The following UBR7 variants were observed in gnomAD, a reference collection of about 807,000 sequenced individuals.
UBR7 encodes the protein putative E3 ubiquitin-protein ligase UBR7.
A neutral mutation model predicts 57.0 loss-of-function variants in UBR7; 22 were observed. The ratio of observed to expected loss-of-function variants is 0.39; its 90% CI spans 0.28 to 0.55. The LOEUF is 0.55. Ranked by LOEUF, UBR7 falls within the 20% of genes least tolerant of loss-of-function variation. The pLI is 0.69. For missense variants in UBR7, 395 were observed against 513.2 expected (o/e 0.77, Z 2.23); for synonymous variants, 167 against 179.8 (o/e 0.93, Z 0.57).
intron 1 of UBR7, among the ~76,000 whole-genome samples, 172 bp from the exon 2 acceptor site, chr14:93,209,640 AAACTTGCAACGC>A (rs1216666176): frequency 6.6e-6 from 1 of 152,242 alleles, no homozygotes; most frequent in African/African-American, 2.4e-5. Context: ...TATAAAAATG[AAACTTGCAACGC>A]AACTGTGTTT....
At position 93,209,810 on chromosome 14, in the gene UBR7, T is replaced by C. The variant is rs1246983990; in HGVS notation, c.151-14T>C. On this transcript the variant is annotated splice_polypyrimidine_tract_variant and intron_variant, in intron 1 of 10. Transcript: ENST00000013070. ...TACTACATTAATTCTCTTTTCCATT[T>C]TGGGGGCTTTCAGGGCTCAGTAAAG... 1.2e-6 allele frequency: 2 copies of C among 1,613,304 alleles called. No individual in the cohort carries two copies. The highest frequency in any genetic ancestry group is 1.3e-5 in the African/African-American group (1 of 75,026).
chr14:93,221,238 G>A (rs1305110765), intron 9 of UBR7, among the ~76,000 whole-genome samples: 1 of 151,482 alleles, frequency 6.6e-6, no homozygotes, highest in Non-Finnish European at 1.5e-5. Flanking sequence ...AGCCTCCCAA[G>A]TAGCTGGGAT....
chr14:93,226,286 T>C (rs1291009926), intron 10 of UBR7, among the ~76,000 whole-genome samples: 1 of 152,220 alleles, frequency 6.6e-6, no homozygotes, highest in East Asian at 1.9e-4. Flanking sequence ...CTATTTTTCT[T>C]TCTCTTTCCT....
rs755583932 is a variant in UBR7 at position 93,220,454 on chromosome 14, A to G, written c.1123+43A>G. 2.5e-6 allele frequency: 4 copies of G among 1,610,634 alleles called. No individual in the cohort carries two copies. In the South Asian group the frequency reaches 3.3e-5, roughly 13 times the overall value. ...GTGAAAATTCATCATTTCCTTCACT[A>G]TGTAAAAAAATATAAAGGGGGCAGT... is the stretch of plus-strand genomic sequence containing the variant. On this transcript the variant is annotated intron_variant, in intron 9 of 10. Transcript: ENST00000013070.
At chr14:93,208,451 T>C (rs889518805) in intron 1 of UBR7, among the ~76,000 whole-genome samples, 4 of 150,370 alleles carry the variant, frequency 2.7e-5, no homozygotes, top group Admixed American at 1.3e-4. Flanking sequence ...AAACAATTTT[T>C]CCCCTGCTTT....
rs571904728 is a variant in UBR7 at position 93,228,330 on chromosome 14, C to G, written c.*1295C>G. 2.2e-6 allele frequency: 1 copy of G among 455,340 alleles called. No homozygotes were observed. The highest frequency in any genetic ancestry group is 1.6e-5 in the South Asian group (1 of 64,490). The allele number at this position is 455,340 out of a possible 1,614,324, so 28.2% of individuals were successfully genotyped here. A position where few individuals can be genotyped will look rare whatever the true frequency, so the allele number is the denominator to read the frequency against. On this transcript the variant is annotated 3_prime_UTR_variant, in exon 11 of 11. Coordinates refer to ENST00000013070, the MANE Select transcript of UBR7 (RefSeq NM_175748.4). ...GATACATAGAGAACCCTCAGCTTCT[C>G]TCTGCCTCTGGAGGACCAAGGTCTT...
At chr14:93,210,746 G>A in intron 3 of UBR7, 38 bp downstream of exon 3, 1 of 1,550,728 alleles carries the variant, frequency 6.4e-7, no homozygotes, top group Admixed American at 1.7e-5. Flanking sequence ...ATTTAGAGCA[G>A]CTGAGGTTAA....
rs1260319569 is a variant in UBR7 at position 93,207,323 on chromosome 14, A to G, written c.32A>G (p.Gln11Arg). The G allele has an allele frequency of 6.4e-6, 10 of 1,558,514 alleles. No homozygotes were observed. The highest frequency in any genetic ancestry group is 1.4e-5 in the African/African-American group (1 of 73,428). Reference sequence around the variant, plus strand: ...GGAGCCGAGGGCGCCGCTGGGCGGCAGTCGGAGCTGGAGCCCGTGGTATCG... The same window carrying G: ...GGAGCCGAGGGCGCCGCTGGGCGGCGGTCGGAGCTGGAGCCCGTGGTATCG... MAGAEGAAGR[Q>R]SELEPVVSLV... The change falls in exon 1 of 11, where the codon CAG becomes CGG. Residue 11 changes from glutamine to arginine, a missense_variant. Physicochemically the swap from Gln to Arg is conservative, Grantham distance 43. Coordinates refer to ENST00000013070, the MANE Select transcript of UBR7 (RefSeq NM_175748.4).
rs1894698600 is a variant in UBR7, at chr14:93,221,139, C to T, written c.1123+728C>T. 2.0e-5 allele frequency among the ~76,000 whole-genome samples: 3 copies of T among 149,304 alleles called. No individual in the cohort carries two copies. The South Asian group carries it at 6.3e-4, about 32-fold the overall frequency. On this transcript the variant is annotated intron_variant, in intron 9 of 10. Coordinates refer to ENST00000013070, the MANE Select transcript of UBR7 (RefSeq NM_175748.4). ...TTTTTTTTTTTTTTTGAGATGGAGT[C>T]TCACTCTGTCACCCAGGCTGGAGTG...
At chr14:93,215,628 G>A (rs1467104555) in intron 6 of UBR7, among the ~76,000 whole-genome samples, 2 of 149,476 alleles carry the variant, frequency 1.3e-5, no homozygotes, top group African/African-American at 5.0e-5. Flanking sequence ...GGCAGAGGTT[G>A]CAGTGAGCCG....
intron 1 of UBR7, among the ~76,000 whole-genome samples, chr14:93,208,562 TAA>T (rs112981008): frequency 2.1e-5 from 3 of 144,938 alleles, no homozygotes; most frequent in Admixed American, 6.9e-5. Context: ...TTCTTTGTGG[TAA>T]AAAAAAAAAT....
intron 10 of UBR7, among the ~76,000 whole-genome samples, chr14:93,225,012 C>A (rs1476129991): frequency 1.3e-5 from 2 of 152,164 alleles, no homozygotes; most frequent in African/African-American, 4.8e-5. Context: ...GACTTTTACT[C>A]AAGGTCTTCA....
At chr14:93,210,613 A>T (rs919640442) in intron 2 of UBR7, 35 bp from the exon 3 acceptor site, 2 of 1,547,070 alleles carry the variant, frequency 1.3e-6, no homozygotes, top group African/African-American at 2.7e-5. Flanking sequence ...TTTTGTAAAA[A>T]GAAAAATAAA....
intron 1 of UBR7, among the ~76,000 whole-genome samples, chr14:93,208,213 CAA>C (rs1894407642): frequency 6.6e-6 from 1 of 151,968 alleles, no homozygotes; most frequent in Non-Finnish European, 1.5e-5. Context: ...AGAAGACTGA[CAA>C]AGGATGAGAA....
In UBR7 at chr14:93,228,159, C is replaced by T. The variant is rs1463176633; in HGVS notation, c.*1124C>T. On this transcript the variant is annotated 3_prime_UTR_variant, in exon 11 of 11. Transcript: ENST00000013070. ...AGTTTTGTGTATATAATGTTAATGTCCACCGCCACTTCCCTAACGACTATG... is the reference window on the plus strand; with the variant it reads ...AGTTTTGTGTATATAATGTTAATGTTCACCGCCACTTCCCTAACGACTATG... The T allele has an allele frequency of 1.7e-6, 1 of 599,714 alleles. No homozygotes were observed. The highest frequency in any genetic ancestry group is 2.1e-5 in the Admixed American group (1 of 46,770). The allele number at this position is 599,714 out of a possible 1,614,324, so 37.1% of individuals were successfully genotyped here.
intron 7 of UBR7, 145 bp downstream of exon 7, chr14:93,218,880 C>T: frequency 1.2e-6 from 1 of 824,332 alleles, no homozygotes; most frequent in East Asian, 2.6e-5. Flanking sequence ...CATGGGTAAA[C>T]CTCATCTCTA....
chr14:93,207,953 TTTTC>T (rs528817301), intron 1 of UBR7, among the ~76,000 whole-genome samples: 106 of 152,238 alleles, frequency 7.0e-4, no homozygotes, highest in African/African-American at 2.3e-3. Context: ...AGCTAGTACT[TTTTC>T]TTTCTTTCTT....
chr14:93,210,627 G>T (rs1894463329), intron 2 of UBR7, 21 bp from the exon 3 acceptor site: 1 of 1,577,284 alleles, frequency 6.3e-7, no homozygotes, highest in Admixed American at 1.8e-5. Flanking sequence ...AAATAAAATT[G>T]TTATTTCCTC....
chr14:93,210,609 A>G (rs1174922914), intron 2 of UBR7, 39 bp from the exon 3 acceptor site: 3 of 1,537,270 alleles, frequency 2.0e-6, no homozygotes, highest in Middle Eastern at 2.0e-4. Flanking sequence ...TGGATTTTGT[A>G]AAAAGAAAAA....
Sources: allele counts gnomAD v4.1 joint callset (sites outside exome capture counted in the v4.1 genomes callset), GRCh38; gene constraint gnomAD v4.1.1; transcripts MANE v1.5; gene names NCBI Gene and HGNC (gene_info 2026-07-23, HGNC 2026-07-21).